The following RBPJ variants were observed in gnomAD, a reference collection of about 807,000 sequenced individuals.
RBPJ encodes recombination signal binding protein for immunoglobulin kappa J region.
RBPJ carries 9 observed loss-of-function variants against 67.8 expected under a neutral mutation model. That is an observed-to-expected ratio of 0.13 (90% CI 0.08 to 0.23). RBPJ has a LOEUF of 0.23. Ranked by LOEUF, RBPJ falls within the 10% of genes least tolerant of loss-of-function variation. The pLI, the probability that RBPJ is intolerant of heterozygous loss-of-function variation, is 1.00. For missense variants in RBPJ, 305 were observed against 595.6 expected, an observed-to-expected ratio of 0.51 and a Z score of 5.08; for synonymous variants, 198 against 203.3, an observed-to-expected ratio of 0.97 and a Z score of 0.22.
At chr4:26,230,849 T>C (rs1398021221) in intron 1 of RBPJ, among the ~76,000 whole-genome samples, 2 of 152,178 alleles carry the variant, frequency 1.3e-5, no homozygotes, top group Non-Finnish European at 2.9e-5. Context: ...AGCTTTAGGA[T>C]TCTGATCCCT....
At chr4:26,208,273 G>A (rs1718239966) in intron 1 of RBPJ, among the ~76,000 whole-genome samples, 1 of 152,192 alleles carries the variant, frequency 6.6e-6, no homozygotes, top group Admixed American at 6.5e-5. Flanking sequence ...GAGTGGTTGA[G>A]TCATTTACCT....
chr4:26,354,555 T>G (rs1467100941), intron 1 of RBPJ, among the ~76,000 whole-genome samples: 1 of 151,394 alleles, frequency 6.6e-6, no homozygotes, highest in Non-Finnish European at 1.5e-5. Context: ...GTTCAACCGA[T>G]TCTCCTGCTT....
At chr4:26,125,203 G>A in the RBPJ span, among the ~76,000 whole-genome samples, 1 of 152,196 alleles carries the variant, frequency 6.6e-6, no homozygotes, top group Non-Finnish European at 1.5e-5. Flanking sequence ...AGGGTGGCTG[G>A]GAAATGTAGG....
At chr4:26,252,261 TA>T (rs1720140192) in intron 1 of RBPJ, among the ~76,000 whole-genome samples, 1 of 151,860 alleles carries the variant, frequency 6.6e-6, no homozygotes, top group Non-Finnish European at 1.5e-5. Flanking sequence ...TGTGACTTTT[TA>T]AAGTCACATG....
intron 1 of RBPJ, among the ~76,000 whole-genome samples, chr4:26,244,931 A>G (rs1222701167): frequency 6.6e-6 from 1 of 151,884 alleles, no homozygotes; most frequent in Non-Finnish European, 1.5e-5. Flanking sequence ...TTAATTTCTA[A>G]TAAGAATAGT....
Position 26,431,205 on chromosome 4 carries a change from A to AG in RBPJ, c.*198_*199insG, listed in dbSNP as rs1335226452. 1 of 427,014 alleles carries AG rather than the reference A, an allele frequency of 2.3e-6. No homozygotes were observed. The highest frequency in any genetic ancestry group is 4.1e-6 in the Non-Finnish European group (1 of 243,022). 26.5% of individuals were successfully genotyped at this position (427,014 alleles called of 1,614,324 possible). The stretch of plus-strand genomic sequence containing the variant: ...ACAGTAAAAAAAAAAAAAAAAAAAA[A>AG]AAAAAAGAAAAAAAAATCAAAATGT... On this transcript the variant is annotated 3_prime_UTR_variant, in exon 11 of 11. Coordinates refer to ENST00000355476, the MANE Select transcript of RBPJ (RefSeq NM_015874.6).
chr4:26,385,498 T>C (rs1360389711), intron 1 of RBPJ, among the ~76,000 whole-genome samples: 1 of 152,200 alleles, frequency 6.6e-6, no homozygotes, highest in Non-Finnish European at 1.5e-5. Context: ...AATCTTACTC[T>C]AGAGTCTTTA....
intron 1 of RBPJ, among the ~76,000 whole-genome samples, chr4:26,282,134 C>CTTTTTTTTTTTTTT (rs758435674): frequency 7.9e-6 from 1 of 126,592 alleles, no homozygotes. Context: ...CTCTCTCTCT[C>CTTTTTTTTTTTTTT]TCTTTTTTTT....
chr4:26,186,390 A>G (rs1453267428), intron 1 of RBPJ, among the ~76,000 whole-genome samples: 1 of 152,196 alleles, frequency 6.6e-6, no homozygotes, highest in Admixed American at 6.5e-5. Context: ...GGCAATTGGA[A>G]CAGTGCCAGG....
intron 1 of RBPJ, among the ~76,000 whole-genome samples, chr4:26,335,079 A>G (rs1035149054): frequency 4.6e-5 from 7 of 152,128 alleles, no homozygotes; most frequent in Admixed American, 2.6e-4. Context: ...AATAGACTTG[A>G]TATCTGTTAT....
chr4:26,362,683 A>C, intron 1 of RBPJ: 4 of 1,344,298 alleles, frequency 3.0e-6, no homozygotes, highest in South Asian at 1.2e-5. Flanking sequence ...ATGAACACTC[A>C]TGATTCTGTA....
chr4:26,165,407 T>C (rs1716235030), intron 1 of RBPJ, among the ~76,000 whole-genome samples: 1 of 152,240 alleles, frequency 6.6e-6, no homozygotes. Context: ...ATCACTGTCC[T>C]CATTTCATAG....
intron 1 of RBPJ, among the ~76,000 whole-genome samples, chr4:26,212,008 G>T (rs1560212777): frequency 6.6e-6 from 1 of 152,158 alleles, no homozygotes; most frequent in African/African-American, 2.4e-5. Flanking sequence ...AAGCACAGAA[G>T]CCAGGGGAAG....
At chr4:26,307,872 G>A (rs957724676) in intron 1 of RBPJ, among the ~76,000 whole-genome samples, 1 of 152,178 alleles carries the variant, frequency 6.6e-6, no homozygotes, top group Non-Finnish European at 1.5e-5. Context: ...TCCTTCCATA[G>A]GATGCTAATC....
intron 1 of RBPJ, among the ~76,000 whole-genome samples, chr4:26,198,654 G>A (rs993868444): frequency 5.9e-5 from 9 of 152,160 alleles, no homozygotes; most frequent in African/African-American, 2.2e-4. Flanking sequence ...GAAAACTAAG[G>A]CACAGAGAAA....
chr4:26,114,674 A>ACCACTGGTAT, the RBPJ span, among the ~76,000 whole-genome samples: 9 of 152,086 alleles, frequency 5.9e-5, no homozygotes, highest in East Asian at 1.4e-3. Flanking sequence ...CACACAAACT[A>ACCACTGGTAT]CCACTGGTAT....
At chr4:26,189,296 A>T (rs1371735383) in intron 1 of RBPJ, among the ~76,000 whole-genome samples, 1 of 152,220 alleles carries the variant, frequency 6.6e-6, no homozygotes, top group Non-Finnish European at 1.5e-5. Flanking sequence ...TTTAATGGAA[A>T]ACAAACTACA....
chr4:26,106,696 C>A, the RBPJ span, among the ~76,000 whole-genome samples: 4 of 152,302 alleles, frequency 2.6e-5, no homozygotes, highest in East Asian at 7.7e-4. Context: ...CTATAAACAA[C>A]CTCCCCAGTA....
intron 1 of RBPJ, among the ~76,000 whole-genome samples, chr4:26,203,066 G>T (rs146324550): frequency 1.2e-4 from 18 of 152,232 alleles, no homozygotes; most frequent in African/African-American, 4.3e-4. Flanking sequence ...CACCTCCACC[G>T]CTGGGTCAAC....
Sources: allele counts gnomAD v4.1 joint callset (sites outside exome capture counted in the v4.1 genomes callset), GRCh38; gene constraint gnomAD v4.1.1; transcripts MANE v1.5; gene names NCBI Gene and HGNC (gene_info 2026-07-23, HGNC 2026-07-21).